The following CDH8 variants were observed in gnomAD, a reference collection of about 807,000 sequenced individuals.
The protein encoded by CDH8 is cadherin 8.
In CDH8, 17 loss-of-function variants were observed where a neutral mutation model predicts 68.1. The observed-to-expected ratio is 0.25, with a 90% confidence interval of 0.17 to 0.37. CDH8 has a LOEUF of 0.37. Among genes scored for constraint, CDH8 ranks in the 10% least tolerant of loss-of-function variants. The pLI, the probability that CDH8 is intolerant of heterozygous loss-of-function variation, is 1.00. For synonymous variants in CDH8, 372 were observed against 365.1 expected, an observed-to-expected ratio of 1.02 and a Z score of -0.21; for missense variants, 763 against 999.3, an observed-to-expected ratio of 0.76 and a Z score of 3.19.
At chr16:61,799,972 G>A (rs533215609) in intron 7 of CDH8, among the ~76,000 whole-genome samples, 4 of 152,118 alleles carry the variant, frequency 2.6e-5, no homozygotes, top group Non-Finnish European at 2.9e-5. Context: ...TCAGTGGCAC[G>A]ATCCCAGCTC....
At chr16:61,660,348 A>T (rs150922779) in intron 10 of CDH8, among the ~76,000 whole-genome samples, 2 of 152,184 alleles carry the variant, frequency 1.3e-5, no homozygotes, top group Non-Finnish European at 2.9e-5. Context: ...TAAACAGTAG[A>T]CTTGAATTGG....
At chr16:61,734,518 C>T (rs1232632900) in intron 8 of CDH8, among the ~76,000 whole-genome samples, 2 of 152,066 alleles carry the variant, frequency 1.3e-5, no homozygotes, top group Non-Finnish European at 2.9e-5. Context: ...CCTGTGCCTA[C>T]TTTGTGAGAG....
chr16:61,694,216 T>G (rs112385430), intron 10 of CDH8, among the ~76,000 whole-genome samples: 2 of 152,192 alleles, frequency 1.3e-5, no homozygotes, highest in Non-Finnish European at 2.9e-5. Flanking sequence ...TTGGCAGATA[T>G]TTATAAACAC....
At chr16:61,803,530 T>C (rs1352713347) in intron 7 of CDH8, among the ~76,000 whole-genome samples, 1 of 151,940 alleles carries the variant, frequency 6.6e-6, no homozygotes, top group South Asian at 2.1e-4. Context: ...GCAAATTGGA[T>C]AAAGAGTCAA....
chr16:61,731,500 C>A (rs1210735732), intron 8 of CDH8, among the ~76,000 whole-genome samples: 2 of 151,616 alleles, frequency 1.3e-5, no homozygotes, highest in Non-Finnish European at 3.0e-5. Context: ...GAGAGCCCTG[C>A]CAAAACCACT....
intron 11 of CDH8, 89 bp downstream of exon 11, chr16:61,655,381 C>G (rs920423658): frequency 2.3e-6 from 3 of 1,323,098 alleles, no homozygotes; most frequent in Non-Finnish European, 3.2e-6. Context: ...AATGCTCTTG[C>G]CTGTGTAGAT....
intron 3 of CDH8, among the ~76,000 whole-genome samples, chr16:61,885,282 T>C (rs1275973371): frequency 2.6e-5 from 4 of 152,234 alleles, no homozygotes; most frequent in African/African-American, 9.6e-5. Context: ...TATACAAACC[T>C]GTTCAGCTTA....
chr16:61,858,173 G>T (rs371983193), intron 3 of CDH8, among the ~76,000 whole-genome samples: 1 of 152,000 alleles, frequency 6.6e-6, no homozygotes. Flanking sequence ...AACAAATAGA[G>T]AAGGAAATTC....
chr16:61,813,795 C>A (rs534602589), intron 7 of CDH8, among the ~76,000 whole-genome samples: 1 of 152,156 alleles, frequency 6.6e-6, no homozygotes, highest in Non-Finnish European at 1.5e-5. Context: ...CATAATGACT[C>A]CACATATATA....
intron 8 of CDH8, among the ~76,000 whole-genome samples, chr16:61,751,247 A>G (rs909858505): frequency 2.6e-5 from 4 of 151,946 alleles, no homozygotes; most frequent in Non-Finnish European, 5.9e-5. Context: ...GTTATGCAAC[A>G]TATGCCTTCA....
chr16:61,938,935 A>G (rs1040213812), intron 2 of CDH8, among the ~76,000 whole-genome samples: 14 of 152,324 alleles, frequency 9.2e-5, no homozygotes, highest in African/African-American at 3.4e-4. Context: ...CTATTTAGTA[A>G]GCATTTATTA....
chr16:61,881,179 A>G (rs373094753), intron 3 of CDH8, among the ~76,000 whole-genome samples: 4 of 152,310 alleles, frequency 2.6e-5, no homozygotes, highest in Admixed American at 1.3e-4. Context: ...TAACTATGAG[A>G]TAATAAGTGT....
chr16:61,696,124 A>C (rs1004446537), intron 10 of CDH8, among the ~76,000 whole-genome samples: 1 of 152,228 alleles, frequency 6.6e-6, no homozygotes, highest in Non-Finnish European at 1.5e-5. Context: ...GCCATTCTCT[A>C]CTGAAAAGCT....
chr16:61,717,986 T>G (rs558317785), intron 9 of CDH8, among the ~76,000 whole-genome samples: 1 of 151,528 alleles, frequency 6.6e-6, no homozygotes, highest in East Asian at 2.0e-4. Context: ...TATACACACA[T>G]ACATGTGTGT....
At chr16:61,892,245 C>T (rs1215491350) in intron 3 of CDH8, among the ~76,000 whole-genome samples, 2 of 152,098 alleles carry the variant, frequency 1.3e-5, no homozygotes, top group Admixed American at 6.6e-5. Flanking sequence ...TAACATGTGG[C>T]CTTTCATAAA....
intron 4 of CDH8, among the ~76,000 whole-genome samples, chr16:61,831,008 C>T (rs1484081347): frequency 6.6e-6 from 1 of 151,760 alleles, no homozygotes; most frequent in Non-Finnish European, 1.5e-5. Flanking sequence ...ATCCCTGGGA[C>T]AAACTTTTTT....
At chr16:61,739,833 T>G (rs1452811145) in intron 8 of CDH8, among the ~76,000 whole-genome samples, 1 of 143,678 alleles carries the variant, frequency 7.0e-6, no homozygotes, top group Admixed American at 7.0e-5. Flanking sequence ...ACAAACAAAA[T>G]TAATTACTTC....
intron 2 of CDH8, among the ~76,000 whole-genome samples, chr16:62,015,827 T>C (rs1273470758): frequency 2.6e-5 from 4 of 152,070 alleles, no homozygotes; most frequent in African/African-American, 7.2e-5. Flanking sequence ...TACAAGAAGA[T>C]TGCAGTCTAC....
chr16:61,716,171 C>T (rs529487441), intron 9 of CDH8, among the ~76,000 whole-genome samples: 1 of 151,736 alleles, frequency 6.6e-6, no homozygotes, highest in South Asian at 2.1e-4. Flanking sequence ...TGCTTTCCTA[C>T]AGTACACTTA....
Sources: allele counts gnomAD v4.1 joint callset (sites outside exome capture counted in the v4.1 genomes callset), GRCh38; gene constraint gnomAD v4.1.1; transcripts MANE v1.5; gene names NCBI Gene and HGNC (gene_info 2026-07-23, HGNC 2026-07-21).